Variants in MAN2C1 observed in about 807,000 individuals in gnomAD.
MAN2C1 encodes the protein mannosidase alpha class 2C member 1, also known as alpha-mannosidase 2C1.
Under a neutral mutation model 126.9 loss-of-function variants are expected in MAN2C1, and 111 were observed. That is an observed-to-expected ratio of 0.87 (90% CI 0.75 to 1.02). The LOEUF is 1.02. MAN2C1 is among the 50% of genes least tolerant of loss of function. The pLI, the probability that MAN2C1 is intolerant of heterozygous loss-of-function variation, is 0.00. For synonymous variants in MAN2C1, 567 were observed against 561.5 expected (o/e 1.01, Z -0.14); for missense variants, 1,363 against 1,364.4 (o/e 1.00, Z 0.02).
chr15:75,368,287 G>A (rs1044672290), intron 1 of MAN2C1, 89 bp from the exon 2 acceptor site: 1 of 1,515,188 alleles, frequency 6.6e-7, no homozygotes, highest in African/African-American at 1.4e-5. Flanking sequence ...ACTTTCCCTG[G>A]ATCCTCCGCC....
Position 75,362,317 on chromosome 15 carries a change from G to A in MAN2C1, c.1008+26C>T, listed in dbSNP as rs757600904. On this transcript the variant is annotated intron_variant, in intron 8 of 25. Transcript: ENST00000267978. The surrounding 1 kb of genome is among the most constrained non-coding windows in gnomAD (Gnocchi z 4.5). ...GGAAGGCTGTTGTCATACAGTTCAA[G>A]GCTGAGGAGTGCCCAGTGCACTTAC... The A allele has an allele frequency of 1.9e-6, 3 of 1,597,294 alleles. No individual in the cohort carries two copies. The South Asian group carries it at 3.3e-5, about 18-fold the overall frequency.
rs368664368 is a variant in MAN2C1 at position 75,360,580 on chromosome 15, G to A, written c.1569C>T (p.Tyr523=). ...TCCCCCTGACCTGGGCATGGGTGGT[G>A]TATGTGCCATTGTGCAGCTCCAAGA... ...ELFLELHNGT[Y]TTHAQIKKGN... Residue 523 remains tyrosine (Y), a synonymous_variant, in exon 13 of 26, where the codon TAC becomes TAT. Coordinates refer to ENST00000267978, the MANE Select transcript of MAN2C1 (RefSeq NM_006715.4). 93 of 1,613,716 alleles carry A rather than the reference G, an allele frequency of 5.8e-5. No individual in the cohort carries two copies. The highest frequency in any genetic ancestry group is 7.3e-5 in the Non-Finnish European group (86 of 1,180,020).
At chr15:75,357,061 C>G (rs35478557) in intron 21 of MAN2C1, 159 bp from the exon 22 acceptor site, 3 of 610,578 alleles carry the variant, frequency 4.9e-6, no homozygotes, top group Non-Finnish European at 8.8e-6. Flanking sequence ...CCCAACCTGC[C>G]TAAGCCTCAG....
In MAN2C1 at chr15:75,356,040, A is replaced by G. The variant is rs201238629; in HGVS notation, c.2997-8T>C. 2.2e-4 allele frequency: 354 copies of G among 1,613,908 alleles called. No homozygotes were observed. Among genetic ancestry groups the G allele is most frequent in the Middle Eastern group, 1.5e-3 (9 of 6,060 alleles). The stretch of plus-strand genomic sequence containing the variant: ...CGCTCCAAGAGATCGCAGCTGGAGA[A>G]CAGGAGGGGCCATGAAGGCTCTGCG... On this transcript the variant is annotated splice_polypyrimidine_tract_variant and splice_region_variant and intron_variant, in intron 25 of 25. Transcript: ENST00000267978. This position sits in a 1 kb window ranked among gnomAD's most constrained non-coding sequence, Gnocchi z 5.8.
Position 75,364,590 on chromosome 15 carries a change from G to A in MAN2C1, c.498C>T (p.Asp166=), listed in dbSNP as rs746231297. The change falls in exon 5 of 26, where the codon GAC becomes GAT. Residue 166 remains aspartate (D), a synonymous_variant. Transcript: ENST00000267978. The part of the protein sequence containing the change: ...AGKGSMIAAP[D]PEKMFQLSRA... ...GGCTCAGCTGGAACATCTTCTCAGG[G>A]TCAGGGGCTGCAATCATGCTTCCCT... The A allele has an allele frequency of 4.3e-6, 7 of 1,613,532 alleles. No individual in the cohort carries two copies. The Admixed American group carries it at 1.2e-4, about 27-fold the overall frequency.
At position 75,359,645 on chromosome 15, in the gene MAN2C1, G is replaced by T. The variant is rs1267630343; in HGVS notation, c.1923C>A (p.Pro641=). 1 of 1,614,122 alleles carries T rather than the reference G, an allele frequency of 6.2e-7. No homozygotes were observed. The highest frequency in any genetic ancestry group is 8.5e-7 in the Non-Finnish European group (1 of 1,180,028). ...CTAGGCTGTGGGCCCCGCCCGGTTT[G>T]GGCAGGGCCATCACTTCGATCCGCT... ...PWKRIEVMAL[P]KPGGAHSLAL... The change falls in exon 16 of 26, where the codon CCC becomes CCA. Residue 641 remains proline (P), a synonymous_variant. Transcript: ENST00000267978.
chr15:75,358,168 G>C, intron 21 of MAN2C1, 33 bp downstream of exon 21: 1 of 1,613,026 alleles, frequency 6.2e-7, no homozygotes, highest in Non-Finnish European at 8.5e-7. Context: ...CCAGGGAGGA[G>C]TCCAAGGCCA....
Position 75,368,160 on chromosome 15 carries a change from C to A in MAN2C1, c.140G>T (p.Ser47Ile), listed in dbSNP as rs759137835. Residue 47 changes from serine to isoleucine, a missense_variant, in exon 2 of 26, where the codon AGC becomes ATC. Physicochemically the swap from Ser to Ile is moderately radical, Grantham distance 142. Around this residue, in one of 3 missense-constraint regions of MAN2C1, gnomAD observed 628 missense variants for 609.8 expected, o/e 1.03. Coordinates refer to ENST00000267978, the MANE Select transcript of MAN2C1 (RefSeq NM_006715.4). ...GGGAAGTCTCTCCGGCGTCAGGAAG[C>A]TGGAGAGCACAGCCACAGGGCAGCT... ...GASCPVAVLS[S>I]FLTPERLPYQ... 4 of 1,604,588 alleles carry A rather than the reference C, an allele frequency of 2.5e-6. No individual in the cohort carries two copies. The highest frequency in any genetic ancestry group is 2.2e-5 in the East Asian group (1 of 44,562).
chr15:75,357,952 A>G lies in MAN2C1; in HGVS notation c.2547+249T>C. 1.1e-5 allele frequency: 5 copies of G among 452,688 alleles called. No homozygotes were observed. In the South Asian group the frequency reaches 1.2e-4, roughly 10 times the overall value. 28.0% of individuals were successfully genotyped at this position (452,688 alleles called of 1,614,324 possible). A position where few individuals can be genotyped will look rare whatever the true frequency, so the allele number is the denominator to read the frequency against. Reference sequence around the variant, plus strand: ...GTATTTTTAGTAGAGATGGCGTTTCACCATGTTGGCCAGGCTGGTCTTGAA... The same window carrying G: ...GTATTTTTAGTAGAGATGGCGTTTCGCCATGTTGGCCAGGCTGGTCTTGAA... On this transcript the variant is annotated intron_variant, in intron 21 of 25. Coordinates refer to ENST00000267978, the MANE Select transcript of MAN2C1 (RefSeq NM_006715.4).
Position 75,362,834 on chromosome 15 carries a change from C to T in MAN2C1, c.791-86G>A, listed in dbSNP as rs915180438. On this transcript the variant is annotated intron_variant, in intron 6 of 25. Transcript: ENST00000267978. This position sits in a 1 kb window ranked among gnomAD's most constrained non-coding sequence, Gnocchi z 4.5. ...GACTCCAGAGGGTCACCTAGCCCCC[C>T]TCCCATCCCAGGCCCTTCACCCTGG... is the stretch of plus-strand genomic sequence containing the variant. 4.4e-6 allele frequency: 5 copies of T among 1,124,958 alleles called. No homozygotes were observed. Among genetic ancestry groups the T allele is most frequent in the Non-Finnish European group, 6.6e-6 (5 of 753,020 alleles). 69.7% of individuals were successfully genotyped at this position (1,124,958 alleles called of 1,614,324 possible). A position where few individuals can be genotyped will look rare whatever the true frequency, so the allele number is the denominator to read the frequency against.
chr15:75,367,127 A>G (rs1341489278), intron 3 of MAN2C1, among the ~76,000 whole-genome samples: 2 of 152,034 alleles, frequency 1.3e-5, no homozygotes, highest in African/African-American at 4.8e-5. Flanking sequence ...GAGTGAGTCA[A>G]CTACACATCT....
In MAN2C1 at chr15:75,368,125, CCTCCTGGTAGGGAAGTCT is replaced by C. The variant is rs759976103; in HGVS notation, c.157_174del (p.Arg53_Glu58del). ...GCGGGGCGGAAGTCCCGCTGGACTG[CCTCCTGGTAGGGAAGTCT>C]CTCCGGCGTCAGGAAGCTGGAGAGC... On this transcript the variant is annotated inframe_deletion, in exon 2 of 26. Transcript: ENST00000267978. 10 of 1,606,582 alleles carry C rather than the reference CCTCCTGGTAGGGAAGTCT, an allele frequency of 6.2e-6. No individual in the cohort carries two copies. The East Asian group carries it at 2.0e-4, about 32-fold the overall frequency.
Position 75,358,696 on chromosome 15 carries a change from G to A in MAN2C1, c.2246+8C>T. 6.2e-7 allele frequency: 1 copy of A among 1,613,544 alleles called. No homozygotes were observed. ...CTCCACCATCCCCACATGCTGCCCA[G>A]CCTATACCGTGTCTCCAGGTGGTAG... On this transcript the variant is annotated splice_region_variant and intron_variant, in intron 19 of 25. Transcript: ENST00000267978.
rs147928844 is a variant in MAN2C1 at position 75,364,190 on chromosome 15, T to C, written c.601-2A>G. The C allele has an allele frequency of 1.7e-3, 2,731 of 1,608,236 alleles. 1 individual carries two copies. The highest frequency in any genetic ancestry group is 2.2e-3 in the Non-Finnish European group (2,596 of 1,177,866). The stretch of plus-strand genomic sequence containing the variant: ...GCGCTGGTTGTCCTTCCCGAGGCCC[T>C]GCAGCAGGGTTCTGCCCCTTAATCC... On this transcript the variant is annotated splice_acceptor_variant, in intron 5 of 25. Transcript: ENST00000267978. LOFTEE classifies it high-confidence loss of function.
chr15:75,364,118 TCA>T lies in MAN2C1; in HGVS notation c.669_670del (p.Cys223Ter). 6.2e-7 allele frequency: 1 copy of T among 1,614,150 alleles called. No individual in the cohort carries two copies. The highest frequency in any genetic ancestry group is 8.5e-7 in the Non-Finnish European group (1 of 1,179,998). On this transcript the variant is annotated stop_gained and frameshift_variant, in exon 6 of 26. Transcript: ENST00000267978. LOFTEE classifies it high-confidence loss of function. ...TGGGAAGGTCTCGGGCTGGGCAGGG[TCA>T]CACACGTTCACCATCTGATTGGCTG...
At chr15:75,358,660 G>A in intron 19 of MAN2C1, 42 bp from the exon 20 acceptor site, 2 of 1,344,808 alleles carry the variant, frequency 1.5e-6, no homozygotes, top group Admixed American at 2.2e-5. Context: ...AGCAGCCTGT[G>A]TTCCCACCAC....
rs116485212 is a variant in MAN2C1 at position 75,361,766 on chromosome 15, C to A, written c.1102-46G>T. ...GGAGTGCAGGAACCAGAGCTCCAGGCGGACTCACCCCAGCCTCAGCCCCTC... is the reference window on the plus strand; with the variant it reads ...GGAGTGCAGGAACCAGAGCTCCAGGAGGACTCACCCCAGCCTCAGCCCCTC... On this transcript the variant is annotated intron_variant, in intron 9 of 25. Coordinates refer to ENST00000267978, the MANE Select transcript of MAN2C1 (RefSeq NM_006715.4). The surrounding 1 kb of genome is among the most constrained non-coding windows in gnomAD (Gnocchi z 5.0). 12 of 1,588,038 alleles carry A rather than the reference C, an allele frequency of 7.6e-6. No homozygotes were observed. In the South Asian group the frequency reaches 9.9e-5, roughly 13 times the overall value.
chr15:75,368,133 T>G lies in MAN2C1; in HGVS notation c.167A>C (p.Tyr56Ser), dbSNP rs772475049. 1.3e-4 allele frequency: 213 copies of G among 1,605,818 alleles called. No homozygotes were observed. Among genetic ancestry groups the G allele is most frequent in the Non-Finnish European group, 1.6e-4 (192 of 1,177,286 alleles). Residue 56 changes from tyrosine (Y) to serine (S), a missense_variant, in exon 2 of 26, where the codon TAC (tyrosine) becomes TCC (serine). Transcript: ENST00000267978. ...SSFLTPERLP[Y>S]QEAVQRDFRP... is the part of the protein sequence containing the mutation. ...GAAGTCCCGCTGGACTGCCTCCTGG[T>G]AGGGAAGTCTCTCCGGCGTCAGGAA...
chr15:75,362,785 C>A lies in MAN2C1; in HGVS notation c.791-37G>T. The A allele has an allele frequency of 6.4e-7, 1 of 1,572,176 alleles. No homozygotes were observed. The highest frequency in any genetic ancestry group is 8.7e-7 in the Non-Finnish European group (1 of 1,143,244). On this transcript the variant is annotated intron_variant, in intron 6 of 25. Coordinates refer to ENST00000267978, the MANE Select transcript of MAN2C1 (RefSeq NM_006715.4). The surrounding 1 kb of genome is among the most constrained non-coding windows in gnomAD (Gnocchi z 4.5). ...GTGAGGTGGAGGACAGAGGGAGCAG[C>A]AAGGCTGACCAGGCCTGGGCTGGGA...
Sources: allele counts gnomAD v4.1 joint callset (sites outside exome capture counted in the v4.1 genomes callset), GRCh38; gene constraint gnomAD v4.1.1; regional missense constraint gnomAD v4.1.1; non-coding constraint Gnocchi (gnomAD v3.1); transcripts MANE v1.5; gene names NCBI Gene and HGNC (gene_info 2026-07-23, HGNC 2026-07-21).